The following ZNF676 variants were observed in gnomAD, a reference collection of about 807,000 sequenced individuals.
The protein encoded by ZNF676 is zinc finger protein 676.
Under a neutral mutation model 6.0 loss-of-function variants are expected in ZNF676, and 4 were observed. That is an observed-to-expected ratio of 0.67 (90% CI 0.33 to 1.53). The LOEUF (loss-of-function observed/expected upper bound fraction) is 1.53, where lower values mean the gene tolerates loss of function less well. ZNF676 is among the 40% of genes most tolerant of loss of function. The pLI, the probability that ZNF676 is intolerant of heterozygous loss-of-function variation, is 0.06. For missense variants in ZNF676, 644 were observed against 679.7 expected, an observed-to-expected ratio of 0.95 and a Z score of 0.58; for synonymous variants, 198 against 223.1, an observed-to-expected ratio of 0.89 and a Z score of 1.00.
At position 22,181,416 on chromosome 19, in the gene ZNF676, G is replaced by C. The variant is rs769121807; in HGVS notation, c.301C>G (p.Leu101Val). 6.2e-7 allele frequency: 1 copy of C among 1,613,644 alleles called. No homozygotes were observed. Among genetic ancestry groups the C allele is most frequent in the South Asian group, 1.1e-5 (1 of 91,054 alleles). Residue 101 changes from leucine (L) to valine (V), a missense_variant, in exon 3 of 3, where the codon CTT becomes GTT. By Grantham distance (32) the Leu-to-Val change is conservative (BLOSUM62 1). Coordinates refer to ENST00000397121, the MANE Select transcript of ZNF676 (RefSeq NM_001001411.3). ...CNVHKEGYNK[L>V]NQSLTTTQSK... is the part of the protein sequence containing the mutation. ...TGTGTAGTTGTTAAACTCTGGTTAA[G>C]TTTATTATAACCTTCTTTGTGCACG...
intron 1 of ZNF676, chr19:22,203,672 G>GCAAC (rs1242180388): frequency 1.3e-5 from 2 of 151,930 alleles, no homozygotes; most frequent in African/African-American, 2.4e-5. Flanking sequence ...TTGGCTCACT[G>GCAAC]CAACCTCTGC....
At chr19:22,236,117 A>C in the ZNF676 span, among the ~76,000 whole-genome samples, 5,367 of 151,548 alleles carry the variant, frequency 0.035, 303 homozygotes, top group African/African-American at 0.12. Flanking sequence ...AATCTCTGAA[A>C]TCCCTCCACG....
At chr19:22,203,418 T>C (rs1240391825) in intron 1 of ZNF676, 1 of 152,688 alleles carries the variant, frequency 6.5e-6, no homozygotes, top group Non-Finnish European at 1.5e-5. Context: ...AGAAAGATTA[T>C]ATTGAGAGAA....
chr19:22,240,508 C>T, the ZNF676 span, among the ~76,000 whole-genome samples: 1 of 151,838 alleles, frequency 6.6e-6, no homozygotes, highest in African/African-American at 2.4e-5. Flanking sequence ...AAAAGAGAAG[C>T]GTTGGCTGGG....
At chr19:22,192,113 A>G (rs994776222) in intron 2 of ZNF676, among the ~76,000 whole-genome samples, 17 of 151,652 alleles carry the variant, frequency 1.1e-4, no homozygotes, top group African/African-American at 3.9e-4. Flanking sequence ...CAAACTAATA[A>G]ATACACTCAG....
the ZNF676 span, among the ~76,000 whole-genome samples, chr19:22,232,088 G>A: frequency 6.6e-6 from 1 of 152,064 alleles, no homozygotes; most frequent in Admixed American, 6.6e-5. Context: ...CATTAGGCTT[G>A]CAAAATATAT....
chr19:22,215,575 C>T, intron 1 of ZNF676: 1 of 1,597,952 alleles, frequency 6.3e-7, no homozygotes, highest in Admixed American at 1.7e-5. Context: ...AGCCACTTCC[C>T]GCCGGTTCCA....
intron 1 of ZNF676, among the ~76,000 whole-genome samples, chr19:22,194,837 C>T (rs2023950545): frequency 6.6e-6 from 1 of 152,114 alleles, no homozygotes; most frequent in South Asian, 2.1e-4. Context: ...CATTGATTCC[C>T]TCTCCCCAGG....
At chr19:22,248,507 G>A in the ZNF676 span, among the ~76,000 whole-genome samples, 1 of 152,120 alleles carries the variant, frequency 6.6e-6, no homozygotes, top group South Asian at 2.1e-4. Flanking sequence ...AAGAAAGGGG[G>A]AAACTTGAGA....
At position 22,196,447 on chromosome 19, in the gene ZNF676, G is replaced by C. The variant is rs2023967610; in HGVS notation, c.34+153C>G. On this transcript the variant is annotated intron_variant, in intron 1 of 2. Coordinates refer to ENST00000397121, the MANE Select transcript of ZNF676 (RefSeq NM_001001411.3). Reference sequence around the variant, plus strand: ...AGAAGCTCAGGACCCTTGTTCACCAGAAGCAAGGAGTCCACGACCCCTTCT... The same window carrying C: ...AGAAGCTCAGGACCCTTGTTCACCACAAGCAAGGAGTCCACGACCCCTTCT... Among the ~76,000 whole-genome samples the C allele has an allele frequency of 2.6e-5, 4 of 152,244 alleles. No homozygotes were observed. In the South Asian group the frequency reaches 8.3e-4, roughly 32 times the overall value.
chr19:22,180,384 C>T lies in ZNF676; in HGVS notation c.1333G>A (p.Gly445Arg). ...TCTTCACATTTGTAGGGTTTCTCTC[C>T]AGCATGAATTCTCTTGTGTTCAGTA... ...SLTEHKRIHA[G>R]EKPYKCEECG... Residue 445 changes from glycine (G) to arginine (R), a missense_variant, in exon 3 of 3, where the codon GGA (glycine) becomes AGA (arginine). Gly to Arg is a moderately radical substitution (Grantham distance 125). Around this residue, in one of 5 missense-constraint regions of ZNF676, gnomAD observed 306 missense variants for 265.4 expected, o/e 1.15. Coordinates refer to ENST00000397121, the MANE Select transcript of ZNF676 (RefSeq NM_001001411.3). The T allele has an allele frequency of 6.2e-7, 1 of 1,613,854 alleles. No homozygotes were observed. The highest frequency in any genetic ancestry group is 1.7e-4 in the Middle Eastern group (1 of 6,060).
upstream of ZNF676, among the ~76,000 whole-genome samples, chr19:22,198,749 A>G (rs762245465): frequency 4.9e-4 from 74 of 152,284 alleles, no homozygotes; most frequent in Middle Eastern, 6.8e-3. Flanking sequence ...CTCCACAGAG[A>G]TAAAAATATG....
At chr19:22,238,060 C>T in the ZNF676 span, among the ~76,000 whole-genome samples, 1 of 152,142 alleles carries the variant, frequency 6.6e-6, no homozygotes, top group African/African-American at 2.4e-5. Context: ...TCATCATTTT[C>T]TATCATCACT....
chr19:22,182,632 GAATA>G (rs2023776355), intron 2 of ZNF676, among the ~76,000 whole-genome samples: 1 of 74,754 alleles, frequency 1.3e-5, no homozygotes, highest in Admixed American at 1.2e-4. Flanking sequence ...TATAAAGTGA[GAATA>G]AATACCATCA....
chr19:22,246,390 T>G, the ZNF676 span, among the ~76,000 whole-genome samples: 14 of 151,806 alleles, frequency 9.2e-5, no homozygotes, highest in African/African-American at 3.4e-4. Flanking sequence ...TTACATTACC[T>G]GGGTACTTGC....
chr19:22,207,418 C>T (rs1300997401), intron 1 of ZNF676, among the ~76,000 whole-genome samples: 1 of 152,082 alleles, frequency 6.6e-6, no homozygotes, highest in Non-Finnish European at 1.5e-5. Context: ...ACAAGAATTA[C>T]AAAACAATGC....
chr19:22,185,489 C>CAAA (rs35260893), intron 2 of ZNF676, among the ~76,000 whole-genome samples: 2 of 141,666 alleles, frequency 1.4e-5, no homozygotes, highest in Non-Finnish European at 1.5e-5. Context: ...TCATCACCAG[C>CAAA]AAAAAAAAAA....
intron 1 of ZNF676, among the ~76,000 whole-genome samples, chr19:22,209,072 C>T (rs1382938455): frequency 6.6e-6 from 1 of 152,120 alleles, no homozygotes; most frequent in African/African-American, 2.4e-5. Flanking sequence ...CAAGACCAGC[C>T]TGGCCAACAT....
the ZNF676 span, among the ~76,000 whole-genome samples, chr19:22,250,043 G>A: frequency 0.24 from 35,677 of 151,690 alleles, 4,873 homozygotes; most frequent in South Asian, 0.42. Flanking sequence ...TTATCCAAGT[G>A]TGGTGGCACA....
Sources: allele counts gnomAD v4.1 joint callset (sites outside exome capture counted in the v4.1 genomes callset), GRCh38; gene constraint gnomAD v4.1.1; regional missense constraint gnomAD v4.1.1; transcripts MANE v1.5; gene names NCBI Gene and HGNC (gene_info 2026-07-23, HGNC 2026-07-21).